PARP1: variants seen among roughly 807,000 people sequenced by gnomAD.
The protein encoded by PARP1 is poly [ADP-ribose] polymerase 1.
A neutral mutation model predicts 118.7 loss-of-function variants in PARP1; 44 were observed. The observed-to-expected ratio is 0.37, with a 90% CI of 0.29 to 0.48. PARP1 has a LOEUF of 0.48. PARP1 is among the 20% of genes least tolerant of loss of function. The probability of loss-of-function intolerance (pLI) is 0.99; values close to 1 mark genes in which losing one functional copy is unlikely to be tolerated. For synonymous variants in PARP1, 492 were observed against 483.2 expected, an observed-to-expected ratio of 1.02 and a Z score of -0.24; for missense variants, 1,100 against 1,272.4, an observed-to-expected ratio of 0.86 and a Z score of 2.06.
At chr1:226,365,482 A>G (rs3219139) in intron 18 of PARP1, among the ~76,000 whole-genome samples, 1 of 152,210 alleles carries the variant, frequency 6.6e-6, no homozygotes, top group South Asian at 2.1e-4. Context: ...AGCCATCCCC[A>G]AACTACTGTA....
intron 2 of PARP1, among the ~76,000 whole-genome samples, 161 bp from the exon 3 acceptor site, chr1:226,392,475 T>C (rs1347563055): frequency 6.6e-6 from 1 of 152,186 alleles, no homozygotes; most frequent in Non-Finnish European, 1.5e-5. Flanking sequence ...GTAACAACCG[T>C]GGTCAGCTAA....
chr1:226,390,550 A>G lies in PARP1; in HGVS notation c.477T>C (p.His159=), dbSNP rs748071673. The change falls in exon 4 of 23, where the codon CAT becomes CAC. Residue 159 remains histidine (H), a synonymous_variant. Transcript: ENST00000366794. ...CCCTGTTCTTGACAAAGCAGCCTGGATGGTACCAGCGGTCAATCATGCCTA... is the reference window on the plus strand; with the variant it reads ...CCCTGTTCTTGACAAAGCAGCCTGGGTGGTACCAGCGGTCAATCATGCCTA... The part of the protein sequence containing the change: ...PQLGMIDRWY[H]PGCFVKNREE... 1.2e-6 allele frequency: 2 copies of G among 1,614,182 alleles called. No homozygotes were observed. Among genetic ancestry groups the G allele is most frequent in the Non-Finnish European group, 1.7e-6 (2 of 1,180,038 alleles).
intron 10 of PARP1, 49 bp downstream of exon 10, chr1:226,379,873 C>A: frequency 6.2e-7 from 1 of 1,612,196 alleles, no homozygotes; most frequent in South Asian, 1.1e-5. Context: ...AACCTGGCCA[C>A]CAATGTCCCT....
chr1:226,382,094 C>T (rs1483534900), intron 8 of PARP1, among the ~76,000 whole-genome samples: 1 of 152,158 alleles, frequency 6.6e-6, no homozygotes, highest in Non-Finnish European at 1.5e-5. Context: ...ACTGCAGTGA[C>T]CACTGGTCCC....
chr1:226,383,589 C>T (rs935851844), intron 7 of PARP1, among the ~76,000 whole-genome samples: 2 of 152,172 alleles, frequency 1.3e-5, no homozygotes, highest in African/African-American at 4.8e-5. Flanking sequence ...TACTCCAGAA[C>T]TCCAAGACCC....
chr1:226,362,965 C>T, intron 21 of PARP1, 134 bp downstream of exon 21: 1 of 724,366 alleles, frequency 1.4e-6, no homozygotes, highest in Non-Finnish European at 2.5e-6. Flanking sequence ...CACACACACC[C>T]CTCGAAAAGA....
chr1:226,390,855 C>G (rs552494934), intron 3 of PARP1, among the ~76,000 whole-genome samples: 1 of 152,184 alleles, frequency 6.6e-6, no homozygotes, highest in African/African-American at 2.4e-5. Flanking sequence ...GGCTGGCAAC[C>G]TACCTACCTG....
At position 226,379,965 on chromosome 1, in the gene PARP1, C is replaced by T; in HGVS notation, c.1500G>A (p.Gly500=). Residue 500 remains glycine (G), a synonymous_variant, in exon 10 of 23, where the codon GGG becomes GGA. Coordinates refer to ENST00000366794, the MANE Select transcript of PARP1 (RefSeq NM_001618.4). ...VEVVAPRGKS[G]AALSKKSKGQ... Reference sequence around the variant, plus strand: ...CCTTGCTTTTTTTGGAGAGCGCAGCCCCTGACTTCCCTCTTGGGGCCACAA... The same window carrying T: ...CCTTGCTTTTTTTGGAGAGCGCAGCTCCTGACTTCCCTCTTGGGGCCACAA... The T allele has an allele frequency of 6.2e-7, 1 of 1,614,166 alleles. No homozygotes were observed. The highest frequency in any genetic ancestry group is 8.5e-7 in the Non-Finnish European group (1 of 1,180,036).
At position 226,394,037 on chromosome 1, in the gene PARP1, T is replaced by C. The variant is rs141051779; in HGVS notation, c.287-1723A>G. 1.8e-3 allele frequency among the ~76,000 whole-genome samples: 281 copies of C among 152,332 alleles called. 1 individual carries two copies. In the Middle Eastern group the frequency reaches 0.024, roughly 13 times the overall value. ...GTTATGACAAAGAATCAGTATCTTTTACATTTCCTTAAGAAAAACACAAGG... is the reference window on the plus strand; with the variant it reads ...GTTATGACAAAGAATCAGTATCTTTCACATTTCCTTAAGAAAAACACAAGG... On this transcript the variant is annotated intron_variant, in intron 2 of 22. Transcript: ENST00000366794.
rs1416884214 is a variant in PARP1 at position 226,367,388 on chromosome 1, C to G, written c.2406+92G>C. On this transcript the variant is annotated intron_variant, in intron 17 of 22. Coordinates refer to ENST00000366794, the MANE Select transcript of PARP1 (RefSeq NM_001618.4). ...CGCCAGCCACCTGTGTTTTAACAAGCTTTCCAGGAGATCCTAACACACATG... is the reference window on the plus strand; with the variant it reads ...CGCCAGCCACCTGTGTTTTAACAAGGTTTCCAGGAGATCCTAACACACATG... 38 of 1,492,980 alleles carry G rather than the reference C, an allele frequency of 2.5e-5. No individual in the cohort carries two copies. In the East Asian group the frequency reaches 8.4e-4, roughly 33 times the overall value. The allele number at this position is 1,492,980 out of a possible 1,614,324, so 92.5% of individuals were successfully genotyped here. A position where few individuals can be genotyped will look rare whatever the true frequency, so the allele number is the denominator to read the frequency against.
chr1:226,377,434 A>T (rs1470027014), intron 12 of PARP1, 131 bp from the exon 13 acceptor site: 1 of 725,342 alleles, frequency 1.4e-6, no homozygotes, highest in East Asian at 2.5e-5. Context: ...TGATTAACAC[A>T]GAACAAACAC....
Position 226,390,605 on chromosome 1 carries a change from T to G in PARP1, c.422A>C (p.Lys141Thr). 1 of 1,614,182 alleles carries G rather than the reference T, an allele frequency of 6.2e-7. No individual in the cohort carries two copies. The highest frequency in any genetic ancestry group is 8.5e-7 in the Non-Finnish European group (1 of 1,180,018). Residue 141 changes from lysine to threonine, a missense_variant, in exon 4 of 23, where the codon AAG becomes ACG. Lys to Thr is a moderately conservative substitution (Grantham distance 78). Coordinates refer to ENST00000366794, the MANE Select transcript of PARP1 (RefSeq NM_001618.4). The part of the protein sequence containing the change: ...KIEKGQVRLS[K>T]KMVDPEKPQL... ...TGGCTTCTCCGGGTCCACCATCTTC[T>G]TGGACAGGCGCACCTGGCCCTGCAG...
chr1:226,372,661 T>C (rs1206143781), intron 14 of PARP1, among the ~76,000 whole-genome samples: 1 of 151,034 alleles, frequency 6.6e-6, no homozygotes, highest in African/African-American at 2.4e-5. Flanking sequence ...GCGAAGAGAG[T>C]GAAACTCCGT....
chr1:226,381,022 G>C, intron 9 of PARP1, 46 bp downstream of exon 9: 1 of 1,607,252 alleles, frequency 6.2e-7, no homozygotes, highest in Non-Finnish European at 8.5e-7. Flanking sequence ...ACAATCATAA[G>C]ATACAGAAGC....
intron 3 of PARP1, 150 bp downstream of exon 3, chr1:226,392,049 T>C: frequency 1.4e-6 from 1 of 703,216 alleles, no homozygotes; most frequent in South Asian, 1.5e-5. Context: ...CTGACGTATC[T>C]GGTCAATACT....
chr1:226,386,958 T>G (rs1664728125), intron 5 of PARP1, among the ~76,000 whole-genome samples: 2 of 152,188 alleles, frequency 1.3e-5, no homozygotes, highest in Non-Finnish European at 2.9e-5. Flanking sequence ...GTGCCTACTC[T>G]TGGTTGGATG....
intron 12 of PARP1, among the ~76,000 whole-genome samples, chr1:226,378,058 G>T (rs937073696): frequency 6.6e-6 from 1 of 152,018 alleles, no homozygotes; most frequent in Non-Finnish European, 1.5e-5. Flanking sequence ...TTCTCTGCTT[G>T]GTTTTTCCTG....
intron 8 of PARP1, among the ~76,000 whole-genome samples, chr1:226,382,723 T>C (rs1664641182): frequency 1.3e-5 from 2 of 152,188 alleles, no homozygotes; most frequent in Admixed American, 1.3e-4. Context: ...CTCACTACAT[T>C]GCCCAGGTTG....
At chr1:226,370,803 C>A (rs979759345) in intron 14 of PARP1, 3 of 463,658 alleles carry the variant, frequency 6.5e-6, no homozygotes, top group Non-Finnish European at 8.0e-6. Context: ...CACGTCTGGA[C>A]GAAGATATAG....
Sources: gnomAD v4.1 joint callset for allele counts (sites outside exome capture counted in the v4.1 genomes callset) on GRCh38, gnomAD v4.1.1 for gene constraint, MANE v1.5 for transcripts, NCBI Gene and HGNC (gene_info 2026-07-23, HGNC 2026-07-21) for gene names.